The following ACER1 variants were observed in gnomAD, a reference collection of about 807,000 sequenced individuals.
The protein encoded by ACER1 is alkaline ceramidase 1, also known as CTB-180A7.3.
Under a neutral mutation model 24.9 loss-of-function variants are expected in ACER1, and 28 were observed. That is an observed-to-expected ratio of 1.13 (90% CI 0.83 to 1.54). The LOEUF is 1.54. Among genes scored for constraint, ACER1 ranks in the 40% most tolerant of loss-of-function variants. The probability of loss-of-function intolerance (pLI) is 0.00; values close to 1 mark genes in which losing one functional copy is unlikely to be tolerated. For synonymous variants in ACER1, 132 were observed against 131.4 expected (o/e 1.00, Z -0.03); for missense variants, 352 against 349.3 (o/e 1.01, Z -0.06).
At chr19:6,321,731 C>T (rs141491256) in intron 1 of ACER1, among the ~76,000 whole-genome samples, 5,430 of 152,286 alleles carry the variant, frequency 0.036, 339 homozygotes, top group African/African-American at 0.12. Context: ...CCTCAGCCTC[C>T]CAAGTAGCTG....
At chr19:6,307,542 G>C (rs967283157) in intron 4 of ACER1, among the ~76,000 whole-genome samples, 10 of 151,970 alleles carry the variant, frequency 6.6e-5, no homozygotes, top group Admixed American at 5.3e-4. Flanking sequence ...CAGCACTTTG[G>C]GAGGCTGAGG....
At chr19:6,315,752 C>G (rs2091600412) in intron 1 of ACER1, among the ~76,000 whole-genome samples, 1 of 151,998 alleles carries the variant, frequency 6.6e-6, no homozygotes, top group South Asian at 2.1e-4. Flanking sequence ...AGGACTCAAG[C>G]AATCCACCCG....
the ACER1 span, among the ~76,000 whole-genome samples, chr19:6,346,509 TTTTTC>T: frequency 4.6e-5 from 7 of 151,246 alleles, no homozygotes; most frequent in African/African-American, 1.5e-4. Context: ...CTTCTTCTTT[TTTTTC>T]TTTTCTTTTT....
At chr19:6,316,228 G>C (rs2091602579) in intron 1 of ACER1, among the ~76,000 whole-genome samples, 1 of 152,128 alleles carries the variant, frequency 6.6e-6, no homozygotes, top group Non-Finnish European at 1.5e-5. Flanking sequence ...GAGGACAAGA[G>C]TTCGCAACCA....
intron 1 of ACER1, among the ~76,000 whole-genome samples, chr19:6,324,386 C>A (rs1173538621): frequency 6.6e-6 from 1 of 151,764 alleles, no homozygotes; most frequent in Non-Finnish European, 1.5e-5. Context: ...ACTCTGTTGC[C>A]CAGGCTGGAG....
chr19:6,350,688 G>T, the ACER1 span, among the ~76,000 whole-genome samples: 11 of 151,426 alleles, frequency 7.3e-5, no homozygotes, highest in African/African-American at 2.7e-4. Flanking sequence ...GGAAGGAGAA[G>T]AAAAAAGAGG....
the ACER1 span, among the ~76,000 whole-genome samples, chr19:6,351,350 G>C: frequency 6.6e-6 from 1 of 151,052 alleles, no homozygotes; most frequent in Non-Finnish European, 1.5e-5. Flanking sequence ...TGGGCAAAAA[G>C]AGTGAAACTC....
intron 1 of ACER1, among the ~76,000 whole-genome samples, chr19:6,318,068 T>A (rs898813513): frequency 1.3e-5 from 2 of 151,970 alleles, no homozygotes; most frequent in African/African-American, 4.8e-5. Flanking sequence ...ACACCTGTAA[T>A]CCCAGCACTT....
chr19:6,339,614 C>T, the ACER1 span, among the ~76,000 whole-genome samples: 4 of 152,170 alleles, frequency 2.6e-5, no homozygotes, highest in East Asian at 1.9e-4. Flanking sequence ...TGATCAGTTT[C>T]GTGTTATGTA....
chr19:6,331,771 G>A (rs2091688256), intron 1 of ACER1, among the ~76,000 whole-genome samples: 1 of 151,086 alleles, frequency 6.6e-6, no homozygotes, highest in African/African-American at 2.5e-5. Context: ...TCCAGCCTAG[G>A]TGACAAAGCG....
At position 6,333,474 on chromosome 19, in the gene ACER1, G is replaced by A. The variant is rs995266233; in HGVS notation, c.78C>T (p.Ala26=). 12 of 1,591,050 alleles carry A rather than the reference G, an allele frequency of 7.5e-6. No homozygotes were observed. The highest frequency in any genetic ancestry group is 2.3e-5 in the South Asian group (2 of 87,688). ...ACGCACTCACCGTGTTGTAGAACTC[G>A]GCCACCAGCTCCGAGTACTGGAAGT... The part of the protein sequence containing the change: ...ESNFQYSELV[A]EFYNTFSNIP... The change falls in exon 1 of 6, where the codon GCC becomes GCT. Residue 26 remains alanine (A), a synonymous_variant. Transcript: ENST00000301452.
intron 1 of ACER1, among the ~76,000 whole-genome samples, chr19:6,318,520 G>A (rs373639736): frequency 6.7e-6 from 1 of 149,458 alleles, no homozygotes; most frequent in African/African-American, 2.5e-5. Flanking sequence ...GCTCATGCCT[G>A]TAATTCCAGC....
At chr19:6,343,990 A>C in the ACER1 span, 1 of 152,160 alleles carries the variant, frequency 6.6e-6, no homozygotes, top group African/African-American at 2.4e-5. Flanking sequence ...GGAACTATTC[A>C]CAAACATCCC....
chr19:6,358,633 A>ATAC, the ACER1 span, among the ~76,000 whole-genome samples: 1 of 150,648 alleles, frequency 6.6e-6, no homozygotes, highest in Non-Finnish European at 1.5e-5. Flanking sequence ...TCTCAAAAAA[A>ATAC]AAAAAAAAAG....
chr19:6,353,073 C>T, the ACER1 span, among the ~76,000 whole-genome samples: 1 of 152,036 alleles, frequency 6.6e-6, no homozygotes, highest in Non-Finnish European at 1.5e-5. Context: ...CATCTGTAAT[C>T]CCAGCACCAA....
chr19:6,355,588 C>T, the ACER1 span, among the ~76,000 whole-genome samples: 11 of 150,628 alleles, frequency 7.3e-5, no homozygotes, highest in African/African-American at 2.7e-4. Context: ...GGGTCAGCCC[C>T]GCCAGGCCAG....
In ACER1 at chr19:6,329,356, T is replaced by TAGAATAGAATAGA. The variant is rs147227366; in HGVS notation, c.93+4102_93+4103insTCTATTCTATTCT. On this transcript the variant is annotated intron_variant, in intron 1 of 5. Transcript: ENST00000301452. Reference sequence around the variant, plus strand: ...ACCTGTTTGGAGAGAGGCTTTTTGATATAGAATAGAATAGAATAGAATAGA... The same window carrying TAGAATAGAATAGA: ...ACCTGTTTGGAGAGAGGCTTTTTGATAGAATAGAATAGAATAGAATAGAATAGAATAGAATAGA... Among the ~76,000 whole-genome samples, 1,095 of 134,028 alleles carry TAGAATAGAATAGA rather than the reference T, an allele frequency of 8.2e-3. 16 individuals carry two copies. The highest frequency in any genetic ancestry group is 0.019 in the African/African-American group (679 of 35,180). The allele number at this position is 134,028 out of a possible 152,430, so 87.9% of individuals were successfully genotyped here.
the ACER1 span, among the ~76,000 whole-genome samples, chr19:6,349,429 G>T: frequency 7.6e-6 from 1 of 131,894 alleles, no homozygotes; most frequent in Admixed American, 7.5e-5. Flanking sequence ...AGGAAGGAAG[G>T]AAAGAAGGAA....
chr19:6,347,131 T>TATATATATATATATATATAA, the ACER1 span, among the ~76,000 whole-genome samples: 5 of 134,534 alleles, frequency 3.7e-5, no homozygotes, highest in African/African-American at 1.5e-4. Flanking sequence ...TATATATATA[T>TATATATATATATATATATAA]AAAATAATAA....
Sources: gnomAD v4.1 joint callset for allele counts (sites outside exome capture counted in the v4.1 genomes callset) on GRCh38, gnomAD v4.1.1 for gene constraint, MANE v1.5 for transcripts, NCBI Gene and HGNC (gene_info 2026-07-23, HGNC 2026-07-21) for gene names.